The following PTPRK variants were observed in gnomAD, a reference collection of about 807,000 sequenced individuals.
PTPRK encodes the protein receptor-type tyrosine-protein phosphatase kappa.
In PTPRK, 75 loss-of-function variants were observed where a neutral mutation model predicts 178.0. The ratio of observed to expected loss-of-function variants is 0.42; its 90% CI spans 0.35 to 0.51. The LOEUF is 0.51. PTPRK is among the 20% of genes least tolerant of loss of function. The probability of loss-of-function intolerance (pLI) is 0.02; values close to 1 mark genes in which losing one functional copy is unlikely to be tolerated. For synonymous variants in PTPRK, 637 were observed against 620.6 expected, an observed-to-expected ratio of 1.03 and a Z score of -0.39; for missense variants, 1,441 against 1,797.8, an observed-to-expected ratio of 0.80 and a Z score of 3.59.
chr6:128,085,727 T>C (rs1413490897), intron 8 of PTPRK, among the ~76,000 whole-genome samples: 1 of 152,264 alleles, frequency 6.6e-6, no homozygotes, highest in African/African-American at 2.4e-5. Flanking sequence ...TTACAGTTTT[T>C]CTGTTTTGAC....
chr6:128,250,797 T>A (rs1262218339), intron 3 of PTPRK, among the ~76,000 whole-genome samples: 2 of 152,194 alleles, frequency 1.3e-5, no homozygotes, highest in Non-Finnish European at 2.9e-5. Flanking sequence ...TTTTCAAATG[T>A]GCATATTCTA....
intron 7 of PTPRK, among the ~76,000 whole-genome samples, chr6:128,117,571 C>T (rs1361243148): frequency 6.6e-6 from 1 of 152,096 alleles, no homozygotes; most frequent in African/African-American, 2.4e-5. Flanking sequence ...ATTTTTTAGT[C>T]TCCAGCTTAA....
chr6:128,144,039 C>T (rs560276094), intron 7 of PTPRK, among the ~76,000 whole-genome samples: 6 of 152,130 alleles, frequency 3.9e-5, no homozygotes, highest in Non-Finnish European at 7.3e-5. Context: ...TCATCCCATT[C>T]TCACTTTTAG....
chr6:128,163,565 T>C (rs1003516853), intron 7 of PTPRK, among the ~76,000 whole-genome samples: 6 of 151,496 alleles, frequency 4.0e-5, no homozygotes, highest in Non-Finnish European at 8.9e-5. Context: ...ATTAGCTTAC[T>C]TCTTAGAGCT....
intron 18 of PTPRK, among the ~76,000 whole-genome samples, chr6:127,994,636 T>C (rs1776943483): frequency 6.6e-6 from 1 of 151,906 alleles, no homozygotes; most frequent in African/African-American, 2.4e-5. Flanking sequence ...GAATATTCTA[T>C]ATTTTGTTTG....
chr6:128,319,609 G>A (rs1828509740), intron 3 of PTPRK, among the ~76,000 whole-genome samples: 1 of 152,132 alleles, frequency 6.6e-6, no homozygotes, highest in African/African-American at 2.4e-5. Context: ...TAAAGCAGTT[G>A]AGTTTCTCTT....
At chr6:128,051,971 A>G (rs1380823865) in intron 13 of PTPRK, among the ~76,000 whole-genome samples, 3 of 152,134 alleles carry the variant, frequency 2.0e-5, no homozygotes, top group Admixed American at 6.6e-5. Flanking sequence ...GTTCAGCATC[A>G]TATTTAAGTC....
intron 1 of PTPRK, among the ~76,000 whole-genome samples, chr6:128,407,908 G>T (rs1841880150): frequency 6.6e-6 from 1 of 152,118 alleles, no homozygotes; most frequent in African/African-American, 2.4e-5. Context: ...ATAGATTAAA[G>T]CACTAGCAGT....
intron 7 of PTPRK, among the ~76,000 whole-genome samples, chr6:128,161,081 G>A (rs1054441799): frequency 1.6e-4 from 24 of 151,288 alleles, no homozygotes; most frequent in African/African-American, 3.9e-4. Flanking sequence ...AAATAATTTC[G>A]GTTAAACAAA....
At position 128,334,025 on chromosome 6, in the gene PTPRK, G is replaced by A. The variant is rs1318967191; in HGVS notation, c.224-11715C>T. Among the ~76,000 whole-genome samples the A allele has an allele frequency of 3.9e-5, 6 of 152,088 alleles. 1 individual carries two copies. The highest frequency in any genetic ancestry group is 4.8e-5 in the African/African-American group (2 of 41,428). ...GAGGGCTGAGGAGAGGAAGAAAGAC[G>A]GGAACAGCCAGTAGGTGGAACAGTC... On this transcript the variant is annotated intron_variant, in intron 2 of 29. Coordinates refer to ENST00000368226, the MANE Select transcript of PTPRK (RefSeq NM_002844.4).
At chr6:128,021,362 C>A (rs988321054) in intron 13 of PTPRK, among the ~76,000 whole-genome samples, 2 of 152,148 alleles carry the variant, frequency 1.3e-5, no homozygotes, top group African/African-American at 4.8e-5. Flanking sequence ...TTCAGCCGGG[C>A]GCAGTGGCTC....
chr6:128,290,312 C>A (rs1823177043), intron 3 of PTPRK, among the ~76,000 whole-genome samples: 1 of 151,986 alleles, frequency 6.6e-6, no homozygotes, highest in African/African-American at 2.4e-5. Flanking sequence ...GAGCTAGCAT[C>A]CAAAAAAACC....
At chr6:128,232,271 T>C (rs1164364285) in intron 5 of PTPRK, 1 of 152,306 alleles carries the variant, frequency 6.6e-6, no homozygotes, top group African/African-American at 2.4e-5. Flanking sequence ...TCTTCTCTAA[T>C]GATTTCACCA....
At chr6:128,305,097 T>C (rs1826178563) in intron 3 of PTPRK, among the ~76,000 whole-genome samples, 1 of 152,196 alleles carries the variant, frequency 6.6e-6, no homozygotes, top group African/African-American at 2.4e-5. Context: ...AAACAGTAAG[T>C]TTGAAAAAGA....
At chr6:128,283,099 C>T (rs957083313) in intron 3 of PTPRK, among the ~76,000 whole-genome samples, 2 of 152,180 alleles carry the variant, frequency 1.3e-5, no homozygotes, top group African/African-American at 4.8e-5. Context: ...GTCCTGATTT[C>T]TCCAGGAAGG....
intron 7 of PTPRK, among the ~76,000 whole-genome samples, chr6:128,178,919 T>G (rs549820528): frequency 1.3e-5 from 2 of 151,992 alleles, no homozygotes; most frequent in South Asian, 4.1e-4. Flanking sequence ...CCATGGTTTC[T>G]CTCAAATTTG....
intron 5 of PTPRK, among the ~76,000 whole-genome samples, chr6:128,239,128 T>G (rs1813903459): frequency 8.0e-6 from 1 of 124,488 alleles, no homozygotes; most frequent in Admixed American, 7.6e-5. Flanking sequence ...TCATCTTGTT[T>G]TTTTTTTTTT....
chr6:128,059,476 C>T (rs1780459067), intron 13 of PTPRK, among the ~76,000 whole-genome samples: 3 of 152,116 alleles, frequency 2.0e-5, no homozygotes, highest in African/African-American at 7.2e-5. Flanking sequence ...TAACCACCTA[C>T]CTTTTGAATT....
At chr6:128,461,757 A>G (rs1849079632) in intron 1 of PTPRK, among the ~76,000 whole-genome samples, 1 of 152,006 alleles carries the variant, frequency 6.6e-6, no homozygotes, top group Non-Finnish European at 1.5e-5. Context: ...GTCATTCCTC[A>G]CTTCCTCCTC....
Sources: gnomAD v4.1 joint callset for allele counts (sites outside exome capture counted in the v4.1 genomes callset) on GRCh38, gnomAD v4.1.1 for gene constraint, MANE v1.5 for transcripts, NCBI Gene and HGNC (gene_info 2026-07-23, HGNC 2026-07-21) for gene names.